Variants in RBFOX1 observed in about 807,000 individuals in gnomAD.
The protein encoded by RBFOX1 is RNA binding protein fox-1 homolog 1.
A neutral mutation model predicts 57.7 loss-of-function variants in RBFOX1; 8 were observed. That is an observed-to-expected ratio of 0.14 (90% confidence interval 0.08 to 0.25). The LOEUF (loss-of-function observed/expected upper bound fraction) is 0.25. Ranked by LOEUF, RBFOX1 falls within the 10% of genes least tolerant of loss-of-function variation. The pLI, the probability that RBFOX1 is intolerant of heterozygous loss-of-function variation, is 1.00. For synonymous variants in RBFOX1, 326 were observed against 222.4 expected (o/e 1.47, Z -4.15); for missense variants, 611 against 548.5 (o/e 1.11, Z -1.14).
chr16:6,936,612 A>G (rs909465791), intron 3 of RBFOX1, among the ~76,000 whole-genome samples: 1 of 152,130 alleles, frequency 6.6e-6, no homozygotes, highest in Non-Finnish European at 1.5e-5. Flanking sequence ...ACATCCCTAT[A>G]AAATATTCAC....
chr16:7,104,206 G>C (rs1034051573), intron 4 of RBFOX1, among the ~76,000 whole-genome samples: 3 of 152,122 alleles, frequency 2.0e-5, no homozygotes, highest in Admixed American at 6.6e-5. Context: ...AGTGACTGCT[G>C]TCTGGAACTA....
At chr16:6,706,600 GTTGTAC>G (rs1164913516) in intron 3 of RBFOX1, among the ~76,000 whole-genome samples, 1 of 152,150 alleles carries the variant, frequency 6.6e-6, no homozygotes, top group Non-Finnish European at 1.5e-5. Context: ...CTCTAATAGA[GTTGTAC>G]TTGTTTCCTG....
Position 6,975,735 on chromosome 16 carries a change from T to C in RBFOX1, c.-15-76322T>C, listed in dbSNP as rs531034732. 1.6e-3 allele frequency among the ~76,000 whole-genome samples: 248 copies of C among 152,338 alleles called. 1 individual carries two copies. The highest frequency in any genetic ancestry group is 5.7e-3 in the African/African-American group (239 of 41,582). On this transcript the variant is annotated intron_variant, in intron 3 of 15. Transcript: ENST00000550418. ...TAGCACTGCTCATATGCTCATAGGC[T>C]GAAAGTTTTCTACTCCTATGACCCC...
intron 4 of RBFOX1, among the ~76,000 whole-genome samples, chr16:7,347,546 A>C (rs1410131017): frequency 6.6e-6 from 1 of 152,152 alleles, no homozygotes; most frequent in Non-Finnish European, 1.5e-5. Context: ...GGGTGAGGAC[A>C]CAGCCAAACG....
rs149282592 is a variant in RBFOX1, at chr16:7,106,542, A to C, written c.27+54444A>C. 2.0e-3 allele frequency among the ~76,000 whole-genome samples: 305 copies of C among 152,282 alleles called. 1 individual carries two copies. Among genetic ancestry groups the C allele is most frequent in the African/African-American group, 6.7e-3 (277 of 41,562 alleles). The stretch of plus-strand genomic sequence containing the variant: ...TGCACTACTTGTTGCCTTTTGGCTT[A>C]AACATTTGTGTTTTCTATGTGCTTA... On this transcript the variant is annotated intron_variant, in intron 4 of 15. Coordinates refer to ENST00000550418, the MANE Select transcript of RBFOX1 (RefSeq NM_018723.4).
chr16:6,621,887 T>C (rs933077862), intron 2 of RBFOX1, among the ~76,000 whole-genome samples: 1 of 151,970 alleles, frequency 6.6e-6, no homozygotes, highest in African/African-American at 2.4e-5. Flanking sequence ...GTGTGTTAAG[T>C]GGATGACATG....
At chr16:7,132,427 T>C (rs1166659791) in intron 4 of RBFOX1, among the ~76,000 whole-genome samples, 1 of 128,288 alleles carries the variant, frequency 7.8e-6, no homozygotes, top group East Asian at 2.2e-4. Flanking sequence ...GAAATTGTGA[T>C]ACACAGACAC....
chr16:6,837,637 G>A (rs2093195486), intron 3 of RBFOX1, among the ~76,000 whole-genome samples: 1 of 152,284 alleles, frequency 6.6e-6, no homozygotes, highest in South Asian at 2.1e-4. Flanking sequence ...ATCTCTCTAA[G>A]CCTCACTCCC....
intron 3 of RBFOX1, among the ~76,000 whole-genome samples, chr16:5,808,820 C>G (rs58992817): frequency 0.014 from 2,129 of 152,276 alleles, 58 homozygotes; most frequent in African/African-American, 0.048. Flanking sequence ...AGATTTTGGG[C>G]TGAGACAATG....
At chr16:6,687,213 C>G (rs888827873) in intron 3 of RBFOX1, among the ~76,000 whole-genome samples, 4 of 151,986 alleles carry the variant, frequency 2.6e-5, no homozygotes, top group Non-Finnish European at 4.4e-5. Flanking sequence ...TATGTTCTGA[C>G]TTAGAAGTAG....
chr16:5,293,692 T>C (rs2063589857), intron 1 of RBFOX1, among the ~76,000 whole-genome samples: 1 of 151,012 alleles, frequency 6.6e-6, no homozygotes, highest in Non-Finnish European at 1.5e-5. Flanking sequence ...ATATGAAAGG[T>C]CCAGAATAGG....
chr16:5,755,831 C>T (rs1274043479), intron 3 of RBFOX1, among the ~76,000 whole-genome samples: 3 of 152,244 alleles, frequency 2.0e-5, no homozygotes, highest in South Asian at 2.1e-4. Flanking sequence ...CTCCTGACCT[C>T]AGGTGATCCG....
intron 3 of RBFOX1, among the ~76,000 whole-genome samples, chr16:6,909,413 G>T (rs1393132683): frequency 6.6e-6 from 1 of 152,150 alleles, no homozygotes; most frequent in Non-Finnish European, 1.5e-5. Context: ...TATTACATCT[G>T]CCAAGGTTCT....
At chr16:5,265,840 C>T (rs1337425760) in intron 1 of RBFOX1, among the ~76,000 whole-genome samples, 3 of 152,068 alleles carry the variant, frequency 2.0e-5, no homozygotes, top group Non-Finnish European at 2.9e-5. Context: ...TCTTGGTCTC[C>T]AGATGTGTGT....
intron 3 of RBFOX1, among the ~76,000 whole-genome samples, chr16:7,014,247 G>T (rs1385317675): frequency 6.6e-6 from 1 of 152,056 alleles, no homozygotes; most frequent in Non-Finnish European, 1.5e-5. Context: ...GTCTCGCTCT[G>T]TCGCCCAGGC....
At chr16:6,434,775 AT>A (rs980248410) in intron 2 of RBFOX1, among the ~76,000 whole-genome samples, 1 of 152,148 alleles carries the variant, frequency 6.6e-6, no homozygotes, top group African/African-American at 2.4e-5. Flanking sequence ...TATTTTATAT[AT>A]TTTTTAGAGA....
chr16:6,973,321 G>C (rs1050600236), intron 3 of RBFOX1, among the ~76,000 whole-genome samples: 1 of 152,086 alleles, frequency 6.6e-6, no homozygotes, highest in Non-Finnish European at 1.5e-5. Context: ...ATAAAGCTCA[G>C]CTTTGTTGTC....
At chr16:5,743,268 G>A (rs546317144) in intron 3 of RBFOX1, among the ~76,000 whole-genome samples, 87 of 152,172 alleles carry the variant, frequency 5.7e-4, no homozygotes, top group Non-Finnish European at 4.1e-4. Flanking sequence ...TTGGGGGACT[G>A]GGTGGGCACC....
intron 4 of RBFOX1, among the ~76,000 whole-genome samples, chr16:7,169,223 G>A (rs139387035): frequency 2.0e-5 from 3 of 152,318 alleles, no homozygotes; most frequent in Admixed American, 2.0e-4. Context: ...TGATGATAAT[G>A]GTGACGATGA....
Sources: gnomAD v4.1 joint callset for allele counts (sites outside exome capture counted in the v4.1 genomes callset) on GRCh38, gnomAD v4.1.1 for gene constraint, MANE v1.5 for transcripts, NCBI Gene and HGNC (gene_info 2026-07-23, HGNC 2026-07-21) for gene names.